COP1: variants seen among roughly 807,000 people sequenced by gnomAD.
COP1 encodes the protein E3 ubiquitin-protein ligase COP1.
A neutral mutation model predicts 101.3 loss-of-function variants in COP1; 24 were observed. The observed-to-expected ratio is 0.24, with a 90% confidence interval of 0.17 to 0.33. The LOEUF is 0.33. Ranked by LOEUF, COP1 falls within the 10% of genes least tolerant of loss-of-function variation. COP1 has a pLI of 1.00. For missense variants in COP1, 663 were observed against 906.2 expected (o/e 0.73, Z 3.45); for synonymous variants, 347 against 341.9 (o/e 1.01, Z -0.17).
intron 6 of COP1, among the ~76,000 whole-genome samples, chr1:176,141,428 G>C (rs1690659499): frequency 6.6e-6 from 1 of 152,156 alleles, no homozygotes; most frequent in Non-Finnish European, 1.5e-5. Context: ...TTGAACCCGG[G>C]AGGTGCAGGT....
intron 5 of COP1, among the ~76,000 whole-genome samples, chr1:176,151,551 G>A (rs1692595621): frequency 6.6e-6 from 1 of 152,066 alleles, no homozygotes. Context: ...AATATGCTTC[G>A]AGTTTTTATA....
intron 11 of COP1, among the ~76,000 whole-genome samples, chr1:176,058,621 G>A (rs1021829383): frequency 6.6e-6 from 1 of 152,032 alleles, no homozygotes. Context: ...AAAACACTGC[G>A]GAAGGCCGCA....
At chr1:176,081,050 T>G in intron 11 of COP1, 102 bp downstream of exon 11, 1 of 1,075,616 alleles carries the variant, frequency 9.3e-7, no homozygotes, top group Non-Finnish European at 1.4e-6. Context: ...GCAGGCTACT[T>G]CAGAACCCAC....
chr1:176,109,691 T>C (rs1425452417), intron 9 of COP1, among the ~76,000 whole-genome samples: 2 of 152,188 alleles, frequency 1.3e-5, no homozygotes, highest in South Asian at 2.1e-4. Flanking sequence ...TAATCTGAAC[T>C]ATTTTAATAT....
chr1:176,043,718 C>A lies in COP1; in HGVS notation c.1522G>T (p.Val508Phe). 1.3e-6 allele frequency: 2 copies of A among 1,573,914 alleles called. No individual in the cohort carries two copies. The highest frequency in any genetic ancestry group is 1.7e-6 in the Non-Finnish European group (2 of 1,143,642). The change falls in exon 13 of 20, where the codon GTC becomes TTC. Residue 508 changes from valine to phenylalanine, a missense_variant. By Grantham distance (50) the Val-to-Phe change is conservative. Coordinates refer to ENST00000367669, the MANE Select transcript of COP1 (RefSeq NM_022457.7). The stretch of plus-strand genomic sequence containing the variant: ...CTAGTACCCTTATTTACCTGATAGA[C>A]CTTTGACCTCTGTCCTGTGAATCCA... ...WDGFTGQRSK[V>F]YQEHEKRCWS...
chr1:176,180,083 T>C (rs1697542228), intron 2 of COP1, among the ~76,000 whole-genome samples: 1 of 152,200 alleles, frequency 6.6e-6, no homozygotes, highest in Non-Finnish European at 1.5e-5. Context: ...TGCCTTAGTT[T>C]GAGAAATAGT....
intron 15 of COP1, among the ~76,000 whole-genome samples, chr1:175,996,569 T>A (rs1245817085): frequency 6.6e-6 from 1 of 151,966 alleles, no homozygotes; most frequent in Non-Finnish European, 1.5e-5. Flanking sequence ...ACAAAATCAA[T>A]GTACAAAAAT....
chr1:176,041,839 T>C (rs1442311587), intron 14 of COP1, among the ~76,000 whole-genome samples: 2 of 151,904 alleles, frequency 1.3e-5, no homozygotes, highest in African/African-American at 2.4e-5. Context: ...TGAAGCCAGG[T>C]GCAGTGGCTC....
chr1:176,175,292 G>C (rs1351655723), intron 3 of COP1, among the ~76,000 whole-genome samples: 3 of 152,184 alleles, frequency 2.0e-5, no homozygotes, highest in Non-Finnish European at 4.4e-5. Context: ...AAGGTGTTCA[G>C]AACTGCTGCC....
At chr1:175,947,650 G>A (rs1043579736) in intron 18 of COP1, among the ~76,000 whole-genome samples, 6 of 152,130 alleles carry the variant, frequency 3.9e-5, no homozygotes, top group African/African-American at 1.4e-4. Flanking sequence ...GATTACAGGC[G>A]TGAGCCACTG....
At chr1:176,069,512 A>G (rs1676601592) in intron 11 of COP1, among the ~76,000 whole-genome samples, 1 of 152,218 alleles carries the variant, frequency 6.6e-6, no homozygotes, top group Non-Finnish European at 1.5e-5. Context: ...TTCCTCAGGT[A>G]TATCAGGTAA....
At chr1:176,094,603 A>T (rs1681992167) in intron 9 of COP1, among the ~76,000 whole-genome samples, 1 of 151,900 alleles carries the variant, frequency 6.6e-6, no homozygotes, top group Non-Finnish European at 1.5e-5. Flanking sequence ...CACATTTAGC[A>T]AACTCAAAGA....
At chr1:176,043,389 G>A in intron 13 of COP1, 122 bp from the exon 14 acceptor site, 1 of 602,628 alleles carries the variant, frequency 1.7e-6, no homozygotes, top group South Asian at 2.4e-5. Flanking sequence ...CAACAGGCTA[G>A]AAAACAAATG....
At chr1:175,992,032 G>A (rs961731697) in intron 15 of COP1, among the ~76,000 whole-genome samples, 1 of 152,254 alleles carries the variant, frequency 6.6e-6, no homozygotes, top group East Asian at 1.9e-4. Context: ...TCTTTATCAA[G>A]TATTGTGTAG....
intron 1 of COP1, among the ~76,000 whole-genome samples, chr1:176,192,884 T>A (rs1337926746): frequency 6.6e-6 from 1 of 152,190 alleles, no homozygotes; most frequent in Non-Finnish European, 1.5e-5. Flanking sequence ...TTAATTTTTT[T>A]AAAAAGTTGT....
chr1:175,970,126 T>G (rs371770718), intron 18 of COP1, among the ~76,000 whole-genome samples: 1 of 152,302 alleles, frequency 6.6e-6, no homozygotes, highest in East Asian at 1.9e-4. Flanking sequence ...GCAAGGAATG[T>G]ACCTGGGGCA....
intron 1 of COP1, among the ~76,000 whole-genome samples, chr1:176,203,085 C>A (rs1254841470): frequency 2.0e-5 from 3 of 151,952 alleles, no homozygotes; most frequent in Non-Finnish European, 4.4e-5. Context: ...CGCCTGTAAT[C>A]CCAGCACTTT....
At chr1:176,177,736 TTTATA>T (rs1697165132) in intron 2 of COP1, among the ~76,000 whole-genome samples, 1 of 152,168 alleles carries the variant, frequency 6.6e-6, no homozygotes, top group African/African-American at 2.4e-5. Flanking sequence ...TGAGTTGATT[TTTATA>T]TCCACTTACC....
chr1:176,204,287 T>C (rs1221621928), intron 1 of COP1, among the ~76,000 whole-genome samples: 1 of 152,154 alleles, frequency 6.6e-6, no homozygotes, highest in African/African-American at 2.4e-5. Flanking sequence ...AAGGATAAAA[T>C]AAAACGTGAA....
Sources: allele counts gnomAD v4.1 joint callset (sites outside exome capture counted in the v4.1 genomes callset), GRCh38; gene constraint gnomAD v4.1.1; transcripts MANE v1.5; gene names NCBI Gene and HGNC (gene_info 2026-07-23, HGNC 2026-07-21).